CHN2: variants seen among roughly 807,000 people sequenced by gnomAD.
The protein encoded by CHN2 is chimerin 2, also known as beta-chimaerin.
Under a neutral mutation model 56.3 loss-of-function variants are expected in CHN2, and 35 were observed. That is an observed-to-expected ratio of 0.62 (90% CI 0.47 to 0.82). The LOEUF is 0.82. Ranked by LOEUF, CHN2 falls within the 40% of genes least tolerant of loss-of-function variation. The pLI is 0.00. For missense variants in CHN2, 491 were observed against 580.5 expected (o/e 0.85, Z 1.58); for synonymous variants, 210 against 212.8 (o/e 0.99, Z 0.12).
At chr7:29,474,915 GC>G (rs1185387627) in intron 6 of CHN2, among the ~76,000 whole-genome samples, 22 of 152,208 alleles carry the variant, frequency 1.4e-4, no homozygotes, top group Non-Finnish European at 3.1e-4. Context: ...TGGAGGAGGA[GC>G]CATTGCTTAG....
intron 3 of CHN2, among the ~76,000 whole-genome samples, chr7:29,392,379 C>A (rs1219384230): frequency 6.6e-6 from 1 of 152,160 alleles, no homozygotes; most frequent in Admixed American, 6.5e-5. Flanking sequence ...TAACCAGGTG[C>A]CTTTTTACAC....
chr7:29,507,161 T>TTC, intron 10 of CHN2, 67 bp from the exon 11 acceptor site: 1 of 1,434,762 alleles, frequency 7.0e-7, no homozygotes, highest in Non-Finnish European at 9.3e-7. Flanking sequence ...TTTTTTTTTT[T>TTC]CCTTTCTGTA....
intron 6 of CHN2, among the ~76,000 whole-genome samples, chr7:29,450,676 T>G (rs1784343099): frequency 6.6e-6 from 1 of 152,226 alleles, no homozygotes; most frequent in Admixed American, 6.5e-5. Flanking sequence ...AAGTTTGCCT[T>G]GTTTTAAGCC....
intron 1 of CHN2, among the ~76,000 whole-genome samples, chr7:29,223,825 A>G (rs546743120): frequency 4.6e-5 from 7 of 152,292 alleles, no homozygotes; most frequent in South Asian, 4.1e-4. Context: ...GCTTTACACA[A>G]TACTGCTCAG....
chr7:29,480,028 T>G, intron 6 of CHN2: 1 of 1,523,974 alleles, frequency 6.6e-7, no homozygotes, highest in Non-Finnish European at 8.8e-7. Context: ...CCGCCTAACA[T>G]AAGCTGCGGT....
chr7:29,197,003 G>C (rs1011674286), intron 1 of CHN2, among the ~76,000 whole-genome samples: 1 of 152,148 alleles, frequency 6.6e-6, no homozygotes, highest in Non-Finnish European at 1.5e-5. Flanking sequence ...AATTAATCAG[G>C]CACTTTGTCT....
chr7:29,366,950 A>G (rs1477476841), intron 2 of CHN2, among the ~76,000 whole-genome samples: 1 of 152,180 alleles, frequency 6.6e-6, no homozygotes, highest in Non-Finnish European at 1.5e-5. Context: ...TAGATCAGAA[A>G]GTTTTGCTTA....
chr7:29,266,026 C>T (rs912674521), intron 1 of CHN2, among the ~76,000 whole-genome samples: 2 of 152,072 alleles, frequency 1.3e-5, no homozygotes, highest in Admixed American at 6.6e-5. Context: ...CCATCTTCCC[C>T]CCAAAAAAGA....
chr7:29,355,801 T>G (rs1263213829), intron 2 of CHN2, among the ~76,000 whole-genome samples: 25 of 124,394 alleles, frequency 2.0e-4, no homozygotes, highest in African/African-American at 7.1e-4. Context: ...TTTTTTTTTT[T>G]GAGACAGGGT....
Position 29,147,409 on chromosome 7 carries a change from T to C in CHN2, c.274+449T>C, listed in dbSNP as rs572328696. 5 of 158,624 alleles carry C rather than the reference T, an allele frequency of 3.2e-5. No individual in the cohort carries two copies. The South Asian group carries it at 7.9e-4, about 25-fold the overall frequency. The allele number at this position is 158,624 out of a possible 1,614,324, so 9.8% of individuals were successfully genotyped here. A position where few individuals can be genotyped will look rare whatever the true frequency, so the allele number is the denominator to read the frequency against. Reference sequence around the variant, plus strand: ...TAGAGCAGCCCAGCCAACCCGACAGTCAGGGGGAAAAATTGTTTTAAGCCA... The same window carrying C: ...TAGAGCAGCCCAGCCAACCCGACAGCCAGGGGGAAAAATTGTTTTAAGCCA... On this transcript the variant is annotated intron_variant, in intron 2 of 6. Transcript: ENST00000439384.
chr7:29,189,889 G>T (rs1407673566), upstream of CHN2, among the ~76,000 whole-genome samples: 1 of 152,180 alleles, frequency 6.6e-6, no homozygotes, highest in Non-Finnish European at 1.5e-5. Flanking sequence ...GTCGTGTGCC[G>T]CCACTAGGGG....
rs371702070 is a variant in CHN2 at position 29,378,982 on chromosome 7, A to G, written c.144+10995A>G. The stretch of plus-strand genomic sequence containing the variant: ...CCGTCTCGAAAGAAAGAAAAAGAAA[A>G]AGAGTGGGTTAATATACATAAAGCA... On this transcript the variant is annotated intron_variant, in intron 3 of 12. Transcript: ENST00000222792. Among the ~76,000 whole-genome samples the G allele has an allele frequency of 4.6e-5, 7 of 152,346 alleles. No homozygotes were observed. The East Asian group carries it at 9.7e-4, about 21-fold the overall frequency.
At chr7:29,483,681 C>T (rs939534193) in intron 7 of CHN2, 6 of 210,736 alleles carry the variant, frequency 2.8e-5, no homozygotes, top group Non-Finnish European at 5.1e-5. Flanking sequence ...AGGAGGCACT[C>T]TGCTGTAACT....
At chr7:29,406,896 T>C (rs6651071) in intron 6 of CHN2, among the ~76,000 whole-genome samples, 88,813 of 152,094 alleles carry the variant, frequency 0.58, 28,043 homozygotes, top group African/African-American at 0.84. Context: ...TCTAACGCCC[T>C]CCACCTCACT....
chr7:29,148,377 G>A (rs1392848688), intron 2 of CHN2: 1 of 152,180 alleles, frequency 6.6e-6, no homozygotes, highest in African/African-American at 2.4e-5. Context: ...AAGTCTTCCT[G>A]CAGTTTTAGT....
At chr7:29,398,624 T>G (rs1801958243) in intron 5 of CHN2, 138 bp downstream of exon 5, 1 of 615,236 alleles carries the variant, frequency 1.6e-6, no homozygotes, top group South Asian at 1.9e-5. Context: ...GAGGGGGGGG[T>G]CCCACTCTCT....
At chr7:29,311,491 C>T (rs1480826678) in intron 1 of CHN2, among the ~76,000 whole-genome samples, 1 of 152,196 alleles carries the variant, frequency 6.6e-6, no homozygotes, top group Admixed American at 6.5e-5. Flanking sequence ...AGGATCATAG[C>T]CCCACTTCAC....
In CHN2 at chr7:29,162,815, G is replaced by A. The variant is rs559648153; in HGVS notation, c.274+15855G>A. On this transcript the variant is annotated intron_variant, in intron 2 of 6. Transcript: ENST00000439384. ...AATGGCTGCCAAAGGTTAGGGAAGAGGAGGGAGAGCCTAACTATAACAGAG... is the reference window on the plus strand; with the variant it reads ...AATGGCTGCCAAAGGTTAGGGAAGAAGAGGGAGAGCCTAACTATAACAGAG... Among the ~76,000 whole-genome samples, 8 of 152,350 alleles carry A rather than the reference G, an allele frequency of 5.3e-5. No homozygotes were observed. In the South Asian group the frequency reaches 1.7e-3, roughly 32 times the overall value.
intron 1 of CHN2, among the ~76,000 whole-genome samples, chr7:29,252,688 C>T (rs929904950): frequency 1.7e-5 from 2 of 115,308 alleles, no homozygotes; most frequent in Admixed American, 1.7e-4. Flanking sequence ...CTCCGCTTCC[C>T]GGGTTCACGC....
Sources: gnomAD v4.1 joint callset for allele counts (sites outside exome capture counted in the v4.1 genomes callset) on GRCh38, gnomAD v4.1.1 for gene constraint, MANE v1.5 for transcripts, NCBI Gene and HGNC (gene_info 2026-07-23, HGNC 2026-07-21) for gene names.